The following CADM2 variants were observed in gnomAD, a reference collection of about 807,000 sequenced individuals.
CADM2 encodes the protein cell adhesion molecule 2, also known as immunoglobulin superfamily member 4D.
A neutral mutation model predicts 49.8 loss-of-function variants in CADM2; 12 were observed. The observed-to-expected ratio is 0.24, with a 90% CI of 0.15 to 0.39. CADM2 has a LOEUF of 0.39. Among genes scored for constraint, CADM2 ranks in the 10% least tolerant of loss-of-function variants. The probability of loss-of-function intolerance (pLI) is 1.00; values close to 1 mark genes in which losing one functional copy is unlikely to be tolerated. For missense variants in CADM2, 378 were observed against 492.3 expected, an observed-to-expected ratio of 0.77 and a Z score of 2.20; for synonymous variants, 214 against 175.4, an observed-to-expected ratio of 1.22 and a Z score of -1.74.
intron 3 of CADM2, among the ~76,000 whole-genome samples, chr3:85,834,056 G>A (rs1251956802): frequency 6.6e-6 from 1 of 151,452 alleles, no homozygotes; most frequent in African/African-American, 2.4e-5. Flanking sequence ...TAGGATTTAA[G>A]TGCCAACCAT....
intron 3 of CADM2, among the ~76,000 whole-genome samples, chr3:85,836,827 G>A (rs193157932): frequency 2.6e-5 from 4 of 151,606 alleles, no homozygotes; most frequent in Admixed American, 2.0e-4. Flanking sequence ...ATTTTGATAC[G>A]AGCAAAATGG....
intron 1 of CADM2, among the ~76,000 whole-genome samples, chr3:85,090,394 G>GA (rs1190054224): frequency 6.6e-6 from 1 of 152,108 alleles, no homozygotes; most frequent in Non-Finnish European, 1.5e-5. Flanking sequence ...TAAGTTCATA[G>GA]AAAAACACGT....
At chr3:85,717,731 A>G (rs2067347216) in intron 1 of CADM2, among the ~76,000 whole-genome samples, 1 of 152,162 alleles carries the variant, frequency 6.6e-6, no homozygotes, top group Non-Finnish European at 1.5e-5. Flanking sequence ...GCTTTTCTGC[A>G]TCTATTGAGA....
chr3:85,232,336 CT>C (rs2042313067), intron 1 of CADM2, among the ~76,000 whole-genome samples: 1 of 151,936 alleles, frequency 6.6e-6, no homozygotes, highest in African/African-American at 2.4e-5. Flanking sequence ...TGAAGTAGGA[CT>C]TTACATGGAA....
intron 1 of CADM2, among the ~76,000 whole-genome samples, chr3:85,368,574 A>G (rs2032970742): frequency 6.7e-6 from 1 of 150,354 alleles, no homozygotes; most frequent in African/African-American, 2.4e-5. Flanking sequence ...GAATATATAT[A>G]TATACCTGAA....
intron 1 of CADM2, among the ~76,000 whole-genome samples, chr3:85,116,740 G>T (rs572647947): frequency 2.7e-3 from 411 of 152,090 alleles, no homozygotes; most frequent in South Asian, 6.8e-3. Context: ...ACATACCATT[G>T]TGGAAAGGAC....
chr3:85,184,750 T>C (rs922921859), intron 1 of CADM2, among the ~76,000 whole-genome samples: 2 of 152,102 alleles, frequency 1.3e-5, no homozygotes, highest in Non-Finnish European at 2.9e-5. Context: ...ATGAAGCTTA[T>C]TGTATAGATA....
At position 85,242,558 on chromosome 3, in the gene CADM2, G is replaced by T. The variant is rs973626671; in HGVS notation, c.61+282890G>T. Among the ~76,000 whole-genome samples the T allele has an allele frequency of 9.9e-5, 15 of 151,672 alleles. No individual in the cohort carries two copies. The East Asian group carries it at 2.3e-3, about 23-fold the overall frequency. ...CAAATGTTGACCAAATTTTTGAAAA[G>T]ATTAAAATTCAATAGGGATTCTTGC... On this transcript the variant is annotated intron_variant, in intron 1 of 9. Coordinates refer to ENST00000383699, the MANE Select transcript of CADM2 (RefSeq NM_001167675.2).
chr3:86,029,242 T>G (rs1392572569), intron 8 of CADM2, among the ~76,000 whole-genome samples: 4 of 152,064 alleles, frequency 2.6e-5, no homozygotes, highest in Non-Finnish European at 4.4e-5. Context: ...TAATTGTCCT[T>G]TAAGATTAAA....
At chr3:85,142,362 G>A (rs1268952063) in intron 1 of CADM2, among the ~76,000 whole-genome samples, 1 of 152,048 alleles carries the variant, frequency 6.6e-6, no homozygotes, top group Non-Finnish European at 1.5e-5. Flanking sequence ...TTTGAACATA[G>A]AATTTTAAAA....
intron 1 of CADM2, among the ~76,000 whole-genome samples, chr3:85,176,415 T>C (rs575727088): frequency 3.3e-5 from 5 of 152,342 alleles, no homozygotes; most frequent in African/African-American, 1.2e-4. Context: ...GGAATAATTT[T>C]GAAATGATAA....
At chr3:85,986,131 T>A (rs1728081879) in intron 8 of CADM2, among the ~76,000 whole-genome samples, 1 of 152,064 alleles carries the variant, frequency 6.6e-6, no homozygotes, top group African/African-American at 2.4e-5. Flanking sequence ...CTCTACATCC[T>A]TTATATCAAA....
chr3:85,415,305 C>T (rs1189552923), intron 1 of CADM2, among the ~76,000 whole-genome samples: 6 of 151,876 alleles, frequency 4.0e-5, no homozygotes, highest in African/African-American at 1.4e-4. Context: ...TCCGGGTTCC[C>T]CTACTCGGGA....
At chr3:85,422,586 A>G (rs1208014355) in intron 1 of CADM2, among the ~76,000 whole-genome samples, 1 of 152,104 alleles carries the variant, frequency 6.6e-6, no homozygotes, top group Non-Finnish European at 1.5e-5. Flanking sequence ...CCAGTCTTTT[A>G]AAATACTTCC....
In CADM2 at chr3:85,887,153, T is replaced by TCATA. The variant is rs199574861; in HGVS notation, c.529+827_529+830dup. ...CGCAGGCTGGAATGCAGTGATACGATCATAGCTCACTGTACCTCGCACTCC... is the reference window on the plus strand; with the variant it reads ...CGCAGGCTGGAATGCAGTGATACGATCATACATAGCTCACTGTACCTCGCACTCC... On this transcript the variant is annotated intron_variant, in intron 5 of 9. Transcript: ENST00000383699. 3.4e-3 allele frequency among the ~76,000 whole-genome samples: 522 copies of TCATA among 152,106 alleles called. 1 individual carries two copies. The highest frequency in any genetic ancestry group is 0.012 in the African/African-American group (495 of 41,536).
At chr3:85,302,457 G>A (rs529334358) in intron 1 of CADM2, among the ~76,000 whole-genome samples, 69 of 152,082 alleles carry the variant, frequency 4.5e-4, no homozygotes, top group African/African-American at 1.6e-3. Context: ...CAGACATTAA[G>A]AATTAAAATA....
At chr3:85,877,130 GT>G (rs1251692663) in intron 3 of CADM2, among the ~76,000 whole-genome samples, 1 of 152,052 alleles carries the variant, frequency 6.6e-6, no homozygotes, top group East Asian at 1.9e-4. Flanking sequence ...CCACCGGTGG[GT>G]AGCAGGCAAC....
intron 1 of CADM2, among the ~76,000 whole-genome samples, chr3:85,197,507 A>G (rs1559715287): frequency 6.6e-6 from 1 of 151,974 alleles, no homozygotes. Flanking sequence ...TCCATTTTAC[A>G]GATGAAGAAG....
chr3:85,827,633 A>T (rs2073981578), intron 3 of CADM2, among the ~76,000 whole-genome samples: 1 of 152,124 alleles, frequency 6.6e-6, no homozygotes, highest in South Asian at 2.1e-4. Context: ...ACCAGAGGCT[A>T]CTAGAGAGAC....
Sources: gnomAD v4.1 joint callset for allele counts (sites outside exome capture counted in the v4.1 genomes callset) on GRCh38, gnomAD v4.1.1 for gene constraint, MANE v1.5 for transcripts, NCBI Gene and HGNC (gene_info 2026-07-23, HGNC 2026-07-21) for gene names.